SCHIP1: variants seen among roughly 807,000 people sequenced by gnomAD.
The protein encoded by SCHIP1 is schwannomin interacting protein 1.
Under a neutral mutation model 29.7 loss-of-function variants are expected in SCHIP1, and 8 were observed. The ratio of observed to expected loss-of-function variants is 0.27; its 90% CI spans 0.16 to 0.49. The LOEUF (loss-of-function observed/expected upper bound fraction) is 0.49. SCHIP1 is among the 20% of genes least tolerant of loss of function. SCHIP1 has a pLI of 0.99. For missense variants in SCHIP1, 193 were observed against 294.6 expected, an observed-to-expected ratio of 0.66 and a Z score of 2.52; for synonymous variants, 76 against 94.9, an observed-to-expected ratio of 0.80 and a Z score of 1.16.
the SCHIP1 span, among the ~76,000 whole-genome samples, chr3:159,810,721 A>T: frequency 1.2e-4 from 18 of 152,334 alleles, no homozygotes; most frequent in African/African-American, 4.3e-4. Flanking sequence ...GTTGATGGAC[A>T]TGTGGATTGT....
At chr3:159,524,800 C>T in the SCHIP1 span, among the ~76,000 whole-genome samples, 2 of 152,198 alleles carry the variant, frequency 1.3e-5, no homozygotes, top group African/African-American at 4.8e-5. Context: ...TCAGTAAGCT[C>T]ATTAGCCATT....
chr3:159,599,356 A>T, the SCHIP1 span, among the ~76,000 whole-genome samples: 1 of 152,124 alleles, frequency 6.6e-6, no homozygotes, highest in African/African-American at 2.4e-5. Context: ...TGCACCCATC[A>T]TTCAAGCAGT....
chr3:159,889,163 C>T (rs767693148), intron 5 of SCHIP1, among the ~76,000 whole-genome samples: 1 of 152,050 alleles, frequency 6.6e-6, no homozygotes, highest in African/African-American at 2.4e-5. Flanking sequence ...AGTTATAGGT[C>T]CCTTCTATTT....
chr3:159,893,568 CT>C (rs1234630905), intron 6 of SCHIP1: 2 of 152,168 alleles, frequency 1.3e-5, no homozygotes, highest in East Asian at 3.9e-4. Context: ...CAGCAGAGAT[CT>C]TTTCTCTGTC....
At chr3:159,713,605 T>A in the SCHIP1 span, among the ~76,000 whole-genome samples, 1 of 152,230 alleles carries the variant, frequency 6.6e-6, no homozygotes, top group East Asian at 1.9e-4. Context: ...AGGAATAACA[T>A]GAAATAAGTC....
intron 1 of SCHIP1, chr3:159,845,756 T>C (rs1711724599): frequency 6.6e-6 from 1 of 152,188 alleles, no homozygotes; most frequent in African/African-American, 2.4e-5. Flanking sequence ...AGAGTATGTG[T>C]TCAATAAATG....
the SCHIP1 span, among the ~76,000 whole-genome samples, chr3:159,520,854 T>C: frequency 6.6e-6 from 1 of 152,366 alleles, no homozygotes; most frequent in Admixed American, 6.5e-5. Context: ...GATTTCATCA[T>C]AATTTGGTTT....
the SCHIP1 span, among the ~76,000 whole-genome samples, chr3:159,400,146 T>C: frequency 6.6e-6 from 1 of 152,242 alleles, no homozygotes; most frequent in Non-Finnish European, 1.5e-5. Flanking sequence ...GACACTTTTC[T>C]GTATGTTAGC....
the SCHIP1 span, among the ~76,000 whole-genome samples, chr3:159,827,971 C>T: frequency 1.3e-5 from 2 of 151,598 alleles, no homozygotes; most frequent in Non-Finnish European, 2.9e-5. Context: ...AAACTCATCA[C>T]CTTTACTCTC....
At chr3:159,888,159 G>T in intron 4 of SCHIP1, 1 of 515,918 alleles carries the variant, frequency 1.9e-6, no homozygotes, top group East Asian at 3.5e-5. Flanking sequence ...AACAATATTA[G>T]CTGCCACGGG....
intron 2 of SCHIP1, among the ~76,000 whole-genome samples, chr3:159,876,301 G>A (rs773457349): frequency 2.0e-5 from 3 of 152,208 alleles, no homozygotes; most frequent in Admixed American, 6.5e-5. Context: ...CACTAGGCAG[G>A]CAGTGTAGCG....
At chr3:159,647,003 G>C in the SCHIP1 span, among the ~76,000 whole-genome samples, 1 of 152,084 alleles carries the variant, frequency 6.6e-6, no homozygotes, top group Non-Finnish European at 1.5e-5. Flanking sequence ...TCTGGGCTAA[G>C]GATTGGAAGA....
chr3:159,604,204 G>C, the SCHIP1 span, among the ~76,000 whole-genome samples: 43 of 152,146 alleles, frequency 2.8e-4, no homozygotes, highest in Non-Finnish European at 5.3e-4. Flanking sequence ...TGAGTGAAAC[G>C]TAAGAATAAA....
the SCHIP1 span, among the ~76,000 whole-genome samples, chr3:159,762,170 T>C: frequency 6.6e-6 from 1 of 152,178 alleles, no homozygotes; most frequent in East Asian, 1.9e-4. Context: ...CAAACCGTAT[T>C]TGGAGCACAA....
the SCHIP1 span, among the ~76,000 whole-genome samples, chr3:159,401,842 A>G: frequency 1.3e-5 from 2 of 152,200 alleles, no homozygotes; most frequent in African/African-American, 2.4e-5. Context: ...AGATATAAGG[A>G]AGGGATCCAG....
At chr3:159,802,530 G>T in the SCHIP1 span, among the ~76,000 whole-genome samples, 1 of 152,150 alleles carries the variant, frequency 6.6e-6, no homozygotes, top group Non-Finnish European at 1.5e-5. Flanking sequence ...AAAGGGTTTT[G>T]TGCCTGATTT....
At chr3:159,652,930 T>C in the SCHIP1 span, among the ~76,000 whole-genome samples, 9 of 152,332 alleles carry the variant, frequency 5.9e-5, no homozygotes, top group East Asian at 1.5e-3. Context: ...AAAAATTGTG[T>C]GTTCTCAGTC....
chr3:159,622,502 T>C, the SCHIP1 span, among the ~76,000 whole-genome samples: 1 of 152,238 alleles, frequency 6.6e-6, no homozygotes. Flanking sequence ...CTAGAGTTCT[T>C]TTTATCTCAA....
the SCHIP1 span, among the ~76,000 whole-genome samples, chr3:159,595,102 GCATGCTGTGAGAACAT>G: frequency 1.3e-5 from 2 of 152,130 alleles, 1 homozygote; most frequent in South Asian, 4.1e-4. Context: ...GGTGAGAATT[GCATGCTGTGAGAACAT>G]CTATAAAGAC....
Sources: allele counts gnomAD v4.1 joint callset (sites outside exome capture counted in the v4.1 genomes callset), GRCh38; gene constraint gnomAD v4.1.1; transcripts MANE v1.5; gene names NCBI Gene and HGNC (gene_info 2026-07-23, HGNC 2026-07-21).